Variants in RALYL observed in about 807,000 individuals in gnomAD.
The protein encoded by RALYL is RALY RNA binding protein like.
Under a neutral mutation model 35.1 loss-of-function variants are expected in RALYL, and 29 were observed. The ratio of observed to expected loss-of-function variants is 0.83; its 90% confidence interval spans 0.61 to 1.13. The LOEUF is 1.13. Ranked by LOEUF, RALYL falls within the 50% of genes most tolerant of loss-of-function variation. The pLI is 0.00. For missense variants in RALYL, 359 were observed against 360.4 expected, an observed-to-expected ratio of 1.00 and a Z score of 0.03; for synonymous variants, 120 against 127.6, an observed-to-expected ratio of 0.94 and a Z score of 0.40.
intron 1 of RALYL, among the ~76,000 whole-genome samples, chr8:84,205,272 A>G (rs1817795245): frequency 6.6e-6 from 1 of 152,224 alleles, no homozygotes. Context: ...GCTAAAGAGA[A>G]AAATGTAATG....
chr8:84,702,563 A>G (rs537032382), intron 2 of RALYL, among the ~76,000 whole-genome samples: 1 of 151,018 alleles, frequency 6.6e-6, no homozygotes, highest in African/African-American at 2.4e-5. Flanking sequence ...ACACACACAC[A>G]CACTCATTCT....
intron 1 of RALYL, among the ~76,000 whole-genome samples, chr8:84,252,397 A>C (rs1370708391): frequency 4.6e-5 from 7 of 152,142 alleles, no homozygotes; most frequent in African/African-American, 1.7e-4. Context: ...AATTCTCCAT[A>C]AACTAGAGGT....
chr8:84,538,156 C>T (rs2059752809), intron 2 of RALYL, among the ~76,000 whole-genome samples: 1 of 152,182 alleles, frequency 6.6e-6, no homozygotes, highest in South Asian at 2.1e-4. Context: ...TACATGGCCC[C>T]ACATATGATA....
chr8:84,559,925 T>C (rs1369076943), intron 2 of RALYL, among the ~76,000 whole-genome samples: 3 of 150,186 alleles, frequency 2.0e-5, no homozygotes, highest in African/African-American at 4.9e-5. Flanking sequence ...AGAGGCATAG[T>C]ACAAGAGAGC....
chr8:84,471,716 A>G (rs551365036), intron 1 of RALYL, among the ~76,000 whole-genome samples: 1 of 152,332 alleles, frequency 6.6e-6, no homozygotes, highest in South Asian at 2.1e-4. Context: ...CTCATTTATC[A>G]TAACACTGTG....
chr8:84,311,105 A>G lies in RALYL; in HGVS notation c.-24+126681A>G, dbSNP rs543126864. ...AAAAAAAAAAAATGTATATTAATGTATAGTATAAATATGTGAAACATATAT... is the reference window on the plus strand; with the variant it reads ...AAAAAAAAAAAATGTATATTAATGTGTAGTATAAATATGTGAAACATATAT... On this transcript the variant is annotated intron_variant, in intron 1 of 8. Transcript: ENST00000521268. Among the ~76,000 whole-genome samples the G allele has an allele frequency of 1.3e-3, 179 of 139,122 alleles. 2 individuals are homozygous for G. Among genetic ancestry groups the G allele is most frequent in the African/African-American group, 4.3e-3 (165 of 38,540 alleles). 91.3% of individuals were successfully genotyped at this position (139,122 alleles called of 152,430 possible). A position where few individuals can be genotyped will look rare whatever the true frequency, so the allele number is the denominator to read the frequency against.
At chr8:84,223,913 G>C (rs1823161387) in intron 1 of RALYL, among the ~76,000 whole-genome samples, 1 of 152,068 alleles carries the variant, frequency 6.6e-6, no homozygotes, top group South Asian at 2.1e-4. Context: ...GAGATGAAAA[G>C]GAATCAGATA....
At chr8:84,345,245 G>A (rs534814305) in intron 1 of RALYL, among the ~76,000 whole-genome samples, 86 of 151,804 alleles carry the variant, frequency 5.7e-4, no homozygotes, top group African/African-American at 2.0e-3. Context: ...GGGTGTAGTG[G>A]GCCTCAGAAA....
At chr8:84,521,344 C>A (rs1054606483) in intron 1 of RALYL, among the ~76,000 whole-genome samples, 2 of 152,204 alleles carry the variant, frequency 1.3e-5, no homozygotes, top group East Asian at 1.9e-4. Context: ...AAATAAATTT[C>A]TGTTATTTAA....
chr8:84,850,030 A>T lies in RALYL; in HGVS notation c.413+3A>T. 1 of 1,464,934 alleles carries T rather than the reference A, an allele frequency of 6.8e-7. No homozygotes were observed. Among genetic ancestry groups the T allele is most frequent in the Non-Finnish European group, 9.1e-7 (1 of 1,098,206 alleles). The allele number at this position is 1,464,934 out of a possible 1,614,324, so 90.7% of individuals were successfully genotyped here. A position where few individuals can be genotyped will look rare whatever the true frequency, so the allele number is the denominator to read the frequency against. On this transcript the variant is annotated splice_donor_region_variant and intron_variant, in intron 5 of 8. Coordinates refer to ENST00000521268, the MANE Select transcript of RALYL (RefSeq NM_173848.7). ...TACAGAGATGATTTCTACAATCGGT[A>T]TGTGAATTTTTCATCCTTGTTTTCC...
chr8:84,379,979 A>T (rs1318620702), intron 1 of RALYL, among the ~76,000 whole-genome samples: 1 of 151,806 alleles, frequency 6.6e-6, no homozygotes, highest in Non-Finnish European at 1.5e-5. Context: ...CTGATTTCAC[A>T]GATGTTTGGC....
intron 2 of RALYL, among the ~76,000 whole-genome samples, chr8:84,601,320 C>T (rs1815894112): frequency 6.6e-6 from 1 of 152,030 alleles, no homozygotes; most frequent in Non-Finnish European, 1.5e-5. Flanking sequence ...TGTCTCAAAA[C>T]CTGTGTTTCC....
intron 4 of RALYL, among the ~76,000 whole-genome samples, chr8:84,839,958 C>A (rs1832854058): frequency 1.3e-5 from 2 of 152,168 alleles, no homozygotes; most frequent in South Asian, 2.1e-4. Context: ...CACACCAAAA[C>A]CCCATCTGTA....
rs545164551 is a variant in RALYL, at chr8:84,695,998, G to A, written c.257-78581G>A. ...CATTTTTTTCAATACACTGTCAAAGGACCACAAATCTGCTATGAACAGGAT... is the reference window on the plus strand; with the variant it reads ...CATTTTTTTCAATACACTGTCAAAGAACCACAAATCTGCTATGAACAGGAT... On this transcript the variant is annotated intron_variant, in intron 2 of 8. Transcript: ENST00000521268. 1.6e-4 allele frequency among the ~76,000 whole-genome samples: 25 copies of A among 151,652 alleles called. No individual in the cohort carries two copies. The East Asian group carries it at 4.9e-3, about 30-fold the overall frequency.
chr8:84,571,441 C>A (rs1470565564), intron 2 of RALYL, among the ~76,000 whole-genome samples: 1 of 151,662 alleles, frequency 6.6e-6, no homozygotes, highest in Non-Finnish European at 1.5e-5. Context: ...TTTTGTATTT[C>A]TGTGATATGA....
chr8:84,625,601 TA>T, intron 2 of RALYL, among the ~76,000 whole-genome samples: 1 of 152,276 alleles, frequency 6.6e-6, no homozygotes, highest in Non-Finnish European at 1.5e-5. Flanking sequence ...AGAGATCCCA[TA>T]AAGTAGATAC....
chr8:84,755,119 A>G (rs1811062119), intron 2 of RALYL, among the ~76,000 whole-genome samples: 1 of 152,176 alleles, frequency 6.6e-6, no homozygotes, highest in African/African-American at 2.4e-5. Context: ...GAGGGCAGAT[A>G]TGCAATTTGA....
At chr8:84,717,507 A>G (rs1843143664) in intron 2 of RALYL, among the ~76,000 whole-genome samples, 1 of 152,180 alleles carries the variant, frequency 6.6e-6, no homozygotes, top group Admixed American at 6.6e-5. Flanking sequence ...ATTAAAGGAT[A>G]ATGTGGCATT....
intron 4 of RALYL, among the ~76,000 whole-genome samples, chr8:84,835,683 C>CAAAAAA (rs5892932): frequency 2.8e-5 from 2 of 72,524 alleles, no homozygotes; most frequent in East Asian, 7.3e-4. Context: ...AACTCCGTCT[C>CAAAAAA]AAAAAAAAAA....
Sources: gnomAD v4.1 joint callset for allele counts (sites outside exome capture counted in the v4.1 genomes callset) on GRCh38, gnomAD v4.1.1 for gene constraint, MANE v1.5 for transcripts, NCBI Gene and HGNC (gene_info 2026-07-23, HGNC 2026-07-21) for gene names.